Variants in GNB5 observed in about 807,000 individuals in gnomAD.
GNB5 encodes guanine nucleotide-binding protein subunit beta-5.
Under a neutral mutation model 55.3 loss-of-function variants are expected in GNB5, and 37 were observed. That is an observed-to-expected ratio of 0.67 (90% CI 0.51 to 0.88). The LOEUF is 0.88. Ranked by LOEUF, GNB5 falls within the 40% of genes least tolerant of loss-of-function variation. The pLI is 0.00. For synonymous variants in GNB5, 219 were observed against 198.5 expected, an observed-to-expected ratio of 1.10 and a Z score of -0.87; for missense variants, 476 against 515.3, an observed-to-expected ratio of 0.92 and a Z score of 0.74.
intron 3 of GNB5, among the ~76,000 whole-genome samples, chr15:52,160,167 C>T (rs192415084): frequency 2.6e-5 from 4 of 152,186 alleles, no homozygotes; most frequent in Non-Finnish European, 5.9e-5. Flanking sequence ...AGGCCGGTCT[C>T]GAACTCCTGA....
At chr15:52,153,852 A>G in intron 4 of GNB5, 88 bp downstream of exon 4, 1 of 1,174,858 alleles carries the variant, frequency 8.5e-7, no homozygotes, top group East Asian at 2.4e-5. Context: ...AAAGATCAGA[A>G]AAGGGCTTTT....
Position 52,116,075 on chromosome 15 carries a change from T to C in GNB5, c.*6682A>G, listed in dbSNP as rs1220153052. 5 of 152,250 alleles carry C rather than the reference T, an allele frequency of 3.3e-5. No homozygotes were observed. Among genetic ancestry groups the C allele is most frequent in the East Asian group, 1.9e-4 (1 of 5,206 alleles). The allele number at this position is 152,250 out of a possible 1,614,324, so 9.4% of individuals were successfully genotyped here. A position where few individuals can be genotyped will look rare whatever the true frequency, so the allele number is the denominator to read the frequency against. ...TCATCGATTCATCCACTGTGGAACA[T>C]TGGGGCTGTTTCAGCTTTGGGCTAT... is the stretch of plus-strand genomic sequence containing the variant. On this transcript the variant is annotated 3_prime_UTR_variant, in exon 13 of 13. Transcript: ENST00000261837.
At chr15:52,154,661 C>A (rs1207530553) in intron 3 of GNB5, among the ~76,000 whole-genome samples, 3 of 152,218 alleles carry the variant, frequency 2.0e-5, no homozygotes, top group Non-Finnish European at 2.9e-5. Flanking sequence ...GTCTAGCTGA[C>A]CCTGTGTGCC....
chr15:52,151,437 C>G (rs1194024191), intron 4 of GNB5, among the ~76,000 whole-genome samples: 1 of 152,146 alleles, frequency 6.6e-6, no homozygotes, highest in Non-Finnish European at 1.5e-5. Flanking sequence ...TGTGCAGGGG[C>G]CTACGTACCC....
In GNB5 at chr15:52,174,852, C is replaced by T. The variant is rs1013705575; in HGVS notation, c.238+4916G>A. ...ATCCCAGAACTTTGGGAGGCTGAGG[C>T]GGGTGGATCACCTAAAGTCAGGAGT... On this transcript the variant is annotated intron_variant, in intron 3 of 12. Coordinates refer to ENST00000261837, the MANE Select transcript of GNB5 (RefSeq NM_016194.4). Among the ~76,000 whole-genome samples the T allele has an allele frequency of 2.4e-4, 37 of 152,016 alleles. 1 individual carries two copies. The highest frequency in any genetic ancestry group is 1.7e-3 in the Admixed American group (26 of 15,262).
chr15:52,137,321 C>A, intron 7 of GNB5: 1 of 1,079,096 alleles, frequency 9.3e-7, no homozygotes, highest in Non-Finnish European at 1.1e-6. Context: ...GGTCCCAAAC[C>A]CAGTGTGGTG....
chr15:52,178,189 TG>T (rs1179647384), intron 3 of GNB5, among the ~76,000 whole-genome samples: 2 of 152,208 alleles, frequency 1.3e-5, no homozygotes, highest in Admixed American at 6.5e-5. Flanking sequence ...TCTGATTGCC[TG>T]GGGGGAATCC....
chr15:52,121,013 A>T lies in GNB5; in HGVS notation c.*1744T>A, dbSNP rs1254191438. On this transcript the variant is annotated 3_prime_UTR_variant, in exon 13 of 13. Coordinates refer to ENST00000261837, the MANE Select transcript of GNB5 (RefSeq NM_016194.4). ...CTGATTTTGGACCGAGTGGCCCATC[A>T]CGATACCTGAACAAGCAGTTGTGAG... 1 of 152,264 alleles carries T rather than the reference A, an allele frequency of 6.6e-6. No homozygotes were observed. Among genetic ancestry groups the T allele is most frequent in the African/African-American group, 2.4e-5 (1 of 41,456 alleles). The allele number at this position is 152,264 out of a possible 1,614,324, so 9.4% of individuals were successfully genotyped here.
chr15:52,185,559 G>A (rs2034832367), intron 1 of GNB5, among the ~76,000 whole-genome samples: 1 of 152,064 alleles, frequency 6.6e-6, no homozygotes, highest in African/African-American at 2.4e-5. Flanking sequence ...GGGTGAGGCT[G>A]GGGATGCCAA....
intron 3 of GNB5, among the ~76,000 whole-genome samples, chr15:52,173,657 T>C (rs2034594170): frequency 6.6e-6 from 1 of 152,218 alleles, no homozygotes; most frequent in Non-Finnish European, 1.5e-5. Context: ...AAATCTCAAC[T>C]TTCTAAGAGA....
intron 1 of GNB5, among the ~76,000 whole-genome samples, chr15:52,184,953 G>A (rs1001718808): frequency 1.3e-5 from 2 of 152,256 alleles, no homozygotes; most frequent in Admixed American, 6.5e-5. Context: ...GCAGACCTGC[G>A]TCAGGCAGGA....
chr15:52,137,885 G>A lies in GNB5; in HGVS notation c.628-2129C>T. ...TGGGTGAGGTGATAAGACCGTGGAG[G>A]AAGTGGCTCTTGCAGCATAAGTGTC... On this transcript the variant is annotated intron_variant, in intron 7 of 12. Coordinates refer to ENST00000261837, the MANE Select transcript of GNB5 (RefSeq NM_016194.4). 4.7e-6 allele frequency: 6 copies of A among 1,286,804 alleles called. No individual in the cohort carries two copies. The South Asian group carries it at 6.2e-5, about 13-fold the overall frequency. 79.7% of individuals were successfully genotyped at this position (1,286,804 alleles called of 1,614,324 possible).
At chr15:52,133,903 T>C (rs972167762) in intron 8 of GNB5, among the ~76,000 whole-genome samples, 2 of 152,242 alleles carry the variant, frequency 1.3e-5, no homozygotes, top group Non-Finnish European at 2.9e-5. Flanking sequence ...GGGTTGGCAG[T>C]GCCCAAATGG....
chr15:52,164,308 TAAAAAAAAAAAAAA>T (rs56029917), intron 3 of GNB5, among the ~76,000 whole-genome samples: 1 of 50,420 alleles, frequency 2.0e-5, no homozygotes, highest in Non-Finnish European at 3.9e-5. Context: ...GACTCTGTCT[TAAAAAAAAAAAAAA>T]AAAAAAAAAA....
intron 7 of GNB5, chr15:52,140,013 G>C: frequency 8.6e-7 from 1 of 1,164,898 alleles, no homozygotes; most frequent in Non-Finnish European, 1.1e-6. Flanking sequence ...CCAGTCAGTG[G>C]CCACAGCGCC....
chr15:52,120,628 A>C lies in GNB5; in HGVS notation c.*2129T>G, dbSNP rs1566929343. The C allele has an allele frequency of 6.6e-6, 1 of 151,802 alleles. No individual in the cohort carries two copies. The highest frequency in any genetic ancestry group is 6.5e-5 in the Admixed American group (1 of 15,270). The allele number at this position is 151,802 out of a possible 1,614,324, so 9.4% of individuals were successfully genotyped here. Reference sequence around the variant, plus strand: ...CGGAAGGCACAGTGCAGAGACAAAAAAAAAAATGGCTGTGGGAGAGAGGGT... The same window carrying C: ...CGGAAGGCACAGTGCAGAGACAAAACAAAAAATGGCTGTGGGAGAGAGGGT... On this transcript the variant is annotated 3_prime_UTR_variant, in exon 13 of 13. Coordinates refer to ENST00000261837, the MANE Select transcript of GNB5 (RefSeq NM_016194.4).
At chr15:52,147,397 C>T (rs1240544673) in intron 6 of GNB5, 62 bp downstream of exon 6, 2 of 934,308 alleles carry the variant, frequency 2.1e-6, no homozygotes, top group East Asian at 2.4e-5. Flanking sequence ...TTTGTTTTTG[C>T]CAAGAGAACA....
Position 52,128,495 on chromosome 15 carries a change from T to C in GNB5, c.864-251A>G, listed in dbSNP as rs2141185912. ...TTGATATCAGGCACAGAACACAGAGTAGACCCCCTATAAATATAGTTTCCC... is the reference window on the plus strand; with the variant it reads ...TTGATATCAGGCACAGAACACAGAGCAGACCCCCTATAAATATAGTTTCCC... On this transcript the variant is annotated intron_variant, in intron 9 of 12. Coordinates refer to ENST00000261837, the MANE Select transcript of GNB5 (RefSeq NM_016194.4). 6.4e-6 allele frequency: 4 copies of C among 624,476 alleles called. No individual in the cohort carries two copies. In the South Asian group the frequency reaches 7.2e-5, roughly 11 times the overall value. The allele number at this position is 624,476 out of a possible 1,614,324, so 38.7% of individuals were successfully genotyped here. A position where few individuals can be genotyped will look rare whatever the true frequency, so the allele number is the denominator to read the frequency against.
intron 6 of GNB5, chr15:52,144,211 T>C (rs935959225): frequency 1.3e-5 from 2 of 152,262 alleles, no homozygotes; most frequent in African/African-American, 4.8e-5. Context: ...TTCCATTTAG[T>C]GAGGGTAAAA....
Sources: gnomAD v4.1 joint callset for allele counts (sites outside exome capture counted in the v4.1 genomes callset) on GRCh38, gnomAD v4.1.1 for gene constraint, MANE v1.5 for transcripts, NCBI Gene and HGNC (gene_info 2026-07-23, HGNC 2026-07-21) for gene names.